Variants in KCTD3 observed in about 807,000 individuals in gnomAD.
KCTD3 encodes potassium channel tetramerization domain containing 3, also known as BTB/POZ domain-containing protein KCTD3.
In KCTD3, 41 loss-of-function variants were observed where a neutral mutation model predicts 85.8. The ratio of observed to expected loss-of-function variants is 0.48; its 90% CI spans 0.37 to 0.62. The LOEUF (loss-of-function observed/expected upper bound fraction) is 0.62, where lower values mean the gene tolerates loss of function less well. Among genes scored for constraint, KCTD3 ranks in the 20% least tolerant of loss-of-function variants. KCTD3 has a pLI of 0.00. For synonymous variants in KCTD3, 338 were observed against 345.4 expected (o/e 0.98, Z 0.24); for missense variants, 724 against 989.9 (o/e 0.73, Z 3.60).
chr1:215,588,342 C>T (rs922813445), intron 9 of KCTD3, among the ~76,000 whole-genome samples: 22 of 151,986 alleles, frequency 1.4e-4, no homozygotes, highest in African/African-American at 4.8e-4. Context: ...TTTACTGCTT[C>T]ATCAAGGACA....
chr1:215,588,764 A>G (rs1459959490), intron 9 of KCTD3, among the ~76,000 whole-genome samples: 1 of 152,224 alleles, frequency 6.6e-6, no homozygotes, highest in Non-Finnish European at 1.5e-5. Flanking sequence ...CCAGCTGGAT[A>G]CAAGTAAAAT....
At position 215,621,252 on chromosome 1, in the gene KCTD3, C is replaced by T. The variant is rs1236856877; in HGVS notation, c.*634C>T. Reference sequence around the variant, plus strand: ...TTGGGAGATCTTAAATCTTAGCAAGCATTAGCAATATTAAATGCCAAAATT... The same window carrying T: ...TTGGGAGATCTTAAATCTTAGCAAGTATTAGCAATATTAAATGCCAAAATT... On this transcript the variant is annotated 3_prime_UTR_variant, in exon 18 of 18. Coordinates refer to ENST00000259154, the MANE Select transcript of KCTD3 (RefSeq NM_016121.5). The T allele has an allele frequency of 6.6e-6, 1 of 152,460 alleles. No individual in the cohort carries two copies. Among genetic ancestry groups the T allele is most frequent in the African/African-American group, 2.4e-5 (1 of 41,438 alleles). 9.4% of individuals were successfully genotyped at this position (152,460 alleles called of 1,614,324 possible).
At chr1:215,579,355 T>G (rs1407482821) in intron 7 of KCTD3, among the ~76,000 whole-genome samples, 1 of 152,170 alleles carries the variant, frequency 6.6e-6, no homozygotes, top group East Asian at 1.9e-4. Flanking sequence ...TTGCCAAAAT[T>G]TATCTGGTAA....
intron 4 of KCTD3, 77 bp downstream of exon 4, chr1:215,576,051 T>C (rs1230040528): frequency 9.6e-6 from 8 of 837,530 alleles, no homozygotes; most frequent in Non-Finnish European, 1.5e-5. Flanking sequence ...AAATAAAAGG[T>C]TTTTTTTGTT....
rs41303271 is a variant in KCTD3, at chr1:215,578,972, T to C, written c.398-28T>C. On this transcript the variant is annotated intron_variant, in intron 6 of 17. Coordinates refer to ENST00000259154, the MANE Select transcript of KCTD3 (RefSeq NM_016121.5). ...AATTTTTGAAAGGTGAACTTAGGAA[T>C]GTATTTGTTTTCTTCTTCTCTTTAT... The C allele has an allele frequency of 7.3e-3, 10,700 of 1,462,012 alleles. 67 individuals are homozygous for C. The highest frequency in any genetic ancestry group is 0.019 in the South Asian group (1,470 of 75,938). 90.6% of individuals were successfully genotyped at this position (1,462,012 alleles called of 1,614,324 possible). A position where few individuals can be genotyped will look rare whatever the true frequency, so the allele number is the denominator to read the frequency against.
At chr1:215,569,004 C>G (rs1659261256) in intron 1 of KCTD3, among the ~76,000 whole-genome samples, 2 of 152,094 alleles carry the variant, frequency 1.3e-5, no homozygotes, top group Non-Finnish European at 2.9e-5. Context: ...TGGAATACCC[C>G]TAAAGAGGAG....
chr1:215,572,681 T>C (rs1179547782), intron 1 of KCTD3, among the ~76,000 whole-genome samples: 1 of 152,214 alleles, frequency 6.6e-6, no homozygotes, highest in Non-Finnish European at 1.5e-5. Flanking sequence ...AGACAATAGA[T>C]GGATGATACA....
At chr1:215,618,089 C>T (rs766843182) in intron 15 of KCTD3, 2 of 466,986 alleles carry the variant, frequency 4.3e-6, no homozygotes, top group Non-Finnish European at 8.9e-6. Context: ...TCTTGTCAGT[C>T]TGTGTGGTGT....
At position 215,568,670 on chromosome 1, in the gene KCTD3, G is replaced by A. The variant is rs1360336181; in HGVS notation, c.83+902G>A. On this transcript the variant is annotated intron_variant, in intron 1 of 17. Transcript: ENST00000259154. ...AGGAGATAAACAAGGAAATGCTCTG[G>A]AATACAGTTAATTTTTCTGTGCTTG... is the stretch of plus-strand genomic sequence containing the variant. 2.6e-5 allele frequency among the ~76,000 whole-genome samples: 4 copies of A among 152,040 alleles called. No individual in the cohort carries two copies. In the East Asian group the frequency reaches 7.7e-4, roughly 29 times the overall value.
At chr1:215,577,200 A>C (rs1161929707) in intron 4 of KCTD3, among the ~76,000 whole-genome samples, 1 of 151,388 alleles carries the variant, frequency 6.6e-6, no homozygotes, top group Admixed American at 6.6e-5. Flanking sequence ...TACAAGCACT[A>C]TGCTAGGCAC....
intron 10 of KCTD3, among the ~76,000 whole-genome samples, 183 bp downstream of exon 10, chr1:215,595,654 T>C (rs1330225182): frequency 6.6e-6 from 1 of 152,204 alleles, no homozygotes; most frequent in Non-Finnish European, 1.5e-5. Context: ...TTTAAGTTAC[T>C]TTGGAAAATA....
rs76692317 is a variant in KCTD3, at chr1:215,582,160, T to G, written c.626+2161T>G. 6.0e-3 allele frequency among the ~76,000 whole-genome samples: 910 copies of G among 152,386 alleles called. 21 individuals carry two copies. In the South Asian group the frequency reaches 0.067, roughly 11 times the overall value. On this transcript the variant is annotated intron_variant, in intron 8 of 17. Transcript: ENST00000259154. ...GTGGTATGAGATTTAAGGATTTATT[T>G]TCTTCTCAGTGGGTAGGTAATTATG...
chr1:215,620,066 T>G lies in KCTD3; in HGVS notation c.1896T>G (p.Leu632=). 2 of 1,577,436 alleles carry G rather than the reference T, an allele frequency of 1.3e-6. No individual in the cohort carries two copies. Among genetic ancestry groups the G allele is most frequent in the Non-Finnish European group, 8.6e-7 (1 of 1,166,952 alleles). ...HLRESNSSLQ[L]QHHDTTHEAA... is the part of the protein sequence containing the mutation. Reference sequence around the variant, plus strand: ...AAAAACTGTATTTCAGCCTTCAGCTTCAGCACCATGATACCACCCATGAAG... The same window carrying G: ...AAAAACTGTATTTCAGCCTTCAGCTGCAGCACCATGATACCACCCATGAAG... The change falls in exon 18 of 18, where the codon CTT becomes CTG. Residue 632 remains leucine (L), a synonymous_variant. Coordinates refer to ENST00000259154, the MANE Select transcript of KCTD3 (RefSeq NM_016121.5).
chr1:215,595,484 C>T lies in KCTD3; in HGVS notation c.933+13C>T, dbSNP rs777333161. On this transcript the variant is annotated intron_variant, in intron 10 of 17. Coordinates refer to ENST00000259154, the MANE Select transcript of KCTD3 (RefSeq NM_016121.5). ...TCAGCACTGGCAGGTTAGTTTAAAG[C>T]ATATTACAGAAGTGAAAATATTTCT... 3.5e-6 allele frequency: 5 copies of T among 1,439,654 alleles called. No individual in the cohort carries two copies. The Admixed American group carries it at 5.0e-5, about 15-fold the overall frequency. 89.2% of individuals were successfully genotyped at this position (1,439,654 alleles called of 1,614,324 possible).
At position 215,601,850 on chromosome 1, in the gene KCTD3, T is replaced by C. The variant is rs1302707938; in HGVS notation, c.934-17T>C. The C allele has an allele frequency of 7.5e-7, 1 of 1,331,904 alleles. No individual in the cohort carries two copies. The highest frequency in any genetic ancestry group is 1.9e-5 in the Admixed American group (1 of 53,082). 82.5% of individuals were successfully genotyped at this position (1,331,904 alleles called of 1,614,324 possible). A position where few individuals can be genotyped will look rare whatever the true frequency, so the allele number is the denominator to read the frequency against. ...ATAATTACTATCTAACATCTGATAA[T>C]ACTCTCACTACATCAGGTTCAAGAT... On this transcript the variant is annotated splice_polypyrimidine_tract_variant and intron_variant, in intron 10 of 17. Transcript: ENST00000259154.
At position 215,567,813 on chromosome 1, in the gene KCTD3, C is replaced by T. The variant is rs375009609; in HGVS notation, c.83+45C>T. On this transcript the variant is annotated intron_variant, in intron 1 of 17. Transcript: ENST00000259154. Reference sequence around the variant, plus strand: ...GCTTGCAGCGGGGATGCCTTGGCGGCCTCCTCCTTTGGTGTCGACGGGGAC... The same window carrying T: ...GCTTGCAGCGGGGATGCCTTGGCGGTCTCCTCCTTTGGTGTCGACGGGGAC... The T allele has an allele frequency of 1.0e-4, 119 of 1,180,748 alleles. No homozygotes were observed. The African/African-American group carries it at 1.8e-3, about 18-fold the overall frequency. The allele number at this position is 1,180,748 out of a possible 1,614,324, so 73.1% of individuals were successfully genotyped here. A position where few individuals can be genotyped will look rare whatever the true frequency, so the allele number is the denominator to read the frequency against.
At chr1:215,590,936 C>T (rs1423253823) in intron 9 of KCTD3, among the ~76,000 whole-genome samples, 1 of 152,154 alleles carries the variant, frequency 6.6e-6, no homozygotes, top group African/African-American at 2.4e-5. Flanking sequence ...TTTGTTCTGG[C>T]AGGCAATTAA....
intron 1 of KCTD3, among the ~76,000 whole-genome samples, chr1:215,573,584 GT>G (rs1222080366): frequency 6.6e-6 from 1 of 152,116 alleles, no homozygotes; most frequent in African/African-American, 2.4e-5. Flanking sequence ...GTTGTTTATT[GT>G]TATTGAGAGC....
At position 215,586,645 on chromosome 1, in the gene KCTD3, C is replaced by T; in HGVS notation, c.777C>T (p.Ile259=). 6.2e-7 allele frequency: 1 copy of T among 1,613,976 alleles called. No homozygotes were observed. Among genetic ancestry groups the T allele is most frequent in the African/African-American group, 1.3e-5 (1 of 75,022 alleles). ...CTGTTGCCTCAGAGAGTAGCATCAT[C>T]TTGTGGAGTGTTCAGGATGGGGGAA... ...MVAVASESSI[I]LWSVQDGGSG... is the part of the protein sequence containing the mutation. The change falls in exon 9 of 18, where the codon ATC becomes ATT. Residue 259 remains isoleucine, a synonymous_variant. Transcript: ENST00000259154.
Sources: allele counts gnomAD v4.1 joint callset (sites outside exome capture counted in the v4.1 genomes callset), GRCh38; gene constraint gnomAD v4.1.1; transcripts MANE v1.5; gene names NCBI Gene and HGNC (gene_info 2026-07-23, HGNC 2026-07-21).